Variants in ELMO1 observed in about 807,000 individuals in gnomAD.
The protein encoded by ELMO1 is engulfment and cell motility protein 1.
A neutral mutation model predicts 98.9 loss-of-function variants in ELMO1; 26 were observed. That is an observed-to-expected ratio of 0.26 (90% CI 0.19 to 0.36). The LOEUF (loss-of-function observed/expected upper bound fraction) is 0.36, where lower values mean the gene tolerates loss of function less well. Among genes scored for constraint, ELMO1 ranks in the 10% least tolerant of loss-of-function variants. The pLI, the probability that ELMO1 is intolerant of heterozygous loss-of-function variation, is 1.00. For missense variants in ELMO1, 627 were observed against 935.2 expected (o/e 0.67, Z 4.30); for synonymous variants, 346 against 346.0 (o/e 1.00, Z 0.00).
At chr7:37,188,485 G>GT (rs1791363433) in intron 13 of ELMO1, among the ~76,000 whole-genome samples, 1 of 45,824 alleles carries the variant, frequency 2.2e-5, no homozygotes. Flanking sequence ...ACTGGAGAAA[G>GT]GTAAAAAAAA....
At chr7:37,204,052 G>A (rs1792459628) in intron 13 of ELMO1, 6 of 454,306 alleles carry the variant, frequency 1.3e-5, no homozygotes, top group Admixed American at 4.7e-5. Flanking sequence ...TTTAGCCCCC[G>A]AATTCTAAGG....
chr7:37,111,155 G>A (rs115495939), intron 14 of ELMO1, among the ~76,000 whole-genome samples: 2,986 of 152,218 alleles, frequency 0.02, 92 homozygotes, highest in African/African-American at 0.055. Context: ...CCAGCTCTGC[G>A]TTCTCTGCAG....
In ELMO1 at chr7:37,050,657, C is replaced by CAA. The variant is rs1460367498; in HGVS notation, c.1301-37223_1301-37222insTT. ...ACACACACACACACACACACACACA[C>CAA]ACAAAAGGTAACTATGTGAAATAAG... is the stretch of plus-strand genomic sequence containing the variant. On this transcript the variant is annotated intron_variant, in intron 15 of 21. Coordinates refer to ENST00000310758, the MANE Select transcript of ELMO1 (RefSeq NM_014800.11). Among the ~76,000 whole-genome samples the CAA allele has an allele frequency of 3.6e-4, 52 of 145,008 alleles. 1 individual carries two copies. The highest frequency in any genetic ancestry group is 1.1e-3 in the African/African-American group (42 of 39,270).
intron 16 of ELMO1, among the ~76,000 whole-genome samples, chr7:36,986,701 C>T (rs1452403855): frequency 1.3e-5 from 2 of 152,134 alleles, no homozygotes; most frequent in Non-Finnish European, 2.9e-5. Flanking sequence ...TTTCTCCTAC[C>T]TTCTCTTCAC....
At chr7:37,067,910 T>C (rs1400021354) in intron 15 of ELMO1, among the ~76,000 whole-genome samples, 2 of 152,236 alleles carry the variant, frequency 1.3e-5, no homozygotes, top group Non-Finnish European at 2.9e-5. Flanking sequence ...CTAGGCGAGC[T>C]ATTCTCACTC....
intron 1 of ELMO1, among the ~76,000 whole-genome samples, chr7:37,391,542 T>A (rs539037828): frequency 6.6e-6 from 1 of 152,382 alleles, no homozygotes; most frequent in South Asian, 2.1e-4. Flanking sequence ...TCTATATATG[T>A]ACTTCCTCTC....
At chr7:37,008,038 A>G (rs1793267794) in intron 16 of ELMO1, among the ~76,000 whole-genome samples, 1 of 152,212 alleles carries the variant, frequency 6.6e-6, no homozygotes, top group African/African-American at 2.4e-5. Context: ...CTGCTAGATA[A>G]AGTTTCAAGA....
At chr7:37,149,181 C>T (rs1008042267) in intron 13 of ELMO1, among the ~76,000 whole-genome samples, 11 of 152,240 alleles carry the variant, frequency 7.2e-5, no homozygotes, top group Non-Finnish European at 1.2e-4. Flanking sequence ...CAGAACCTAG[C>T]ACCATCTGGC....
In ELMO1 at chr7:37,190,982, G is replaced by A. The variant is rs191550624; in HGVS notation, c.1086+20404C>T. Among the ~76,000 whole-genome samples the A allele has an allele frequency of 7.6e-3, 1,157 of 151,688 alleles. 9 individuals are homozygous for A. Among genetic ancestry groups the A allele is most frequent in the Non-Finnish European group, 0.012 (797 of 67,850 alleles). On this transcript the variant is annotated intron_variant, in intron 13 of 21. Transcript: ENST00000310758. Reference sequence around the variant, plus strand: ...GGCGGGTGGATCATGAGGTCAAGGAGATAGAGACCATCCCGGCTAACACGG... The same window carrying A: ...GGCGGGTGGATCATGAGGTCAAGGAAATAGAGACCATCCCGGCTAACACGG...
In ELMO1 at chr7:37,385,895, G is replaced by A. The variant is rs112556624; in HGVS notation, c.-73-43132C>T. Among the ~76,000 whole-genome samples, 458 of 152,328 alleles carry A rather than the reference G, an allele frequency of 3.0e-3. 1 individual carries two copies. The highest frequency in any genetic ancestry group is 0.01 in the African/African-American group (431 of 41,572). ...ACTACCAGTGCCAGGCCCAGCTTCC[G>A]GAGATGCCAATTCCCCAGGAAGTCC... On this transcript the variant is annotated intron_variant, in intron 1 of 21. Coordinates refer to ENST00000310758, the MANE Select transcript of ELMO1 (RefSeq NM_014800.11).
At chr7:36,936,880 G>T (rs1786578258) in intron 16 of ELMO1, among the ~76,000 whole-genome samples, 1 of 152,198 alleles carries the variant, frequency 6.6e-6, no homozygotes, top group South Asian at 2.1e-4. Flanking sequence ...GCTTAACACA[G>T]GATTAAGTAT....
At chr7:36,861,436 T>A (rs1040410821) in intron 21 of ELMO1, among the ~76,000 whole-genome samples, 47 of 152,056 alleles carry the variant, frequency 3.1e-4, no homozygotes, top group Non-Finnish European at 5.9e-5. Context: ...GCCTTTTACA[T>A]CCTTTTTCTT....
At chr7:37,367,707 T>C (rs1227886419) in intron 1 of ELMO1, among the ~76,000 whole-genome samples, 1 of 152,128 alleles carries the variant, frequency 6.6e-6, no homozygotes, top group African/African-American at 2.4e-5. Context: ...GCCACAGTTA[T>C]GGAATCAGAA....
intron 19 of ELMO1, among the ~76,000 whole-genome samples, chr7:36,874,326 C>G (rs1803772293): frequency 6.6e-6 from 1 of 152,212 alleles, no homozygotes; most frequent in African/African-American, 2.4e-5. Context: ...TCAGATCTTT[C>G]TCTACTATTT....
intron 16 of ELMO1, among the ~76,000 whole-genome samples, chr7:36,924,555 G>A (rs992799517): frequency 1.3e-5 from 2 of 152,210 alleles, no homozygotes; most frequent in African/African-American, 4.8e-5. Context: ...TGGAAACACT[G>A]AGTAAAAATG....
intron 13 of ELMO1, among the ~76,000 whole-genome samples, chr7:37,193,755 G>T (rs1489682942): frequency 6.6e-6 from 1 of 152,124 alleles, no homozygotes; most frequent in Non-Finnish European, 1.5e-5. Context: ...TCCCTGCGTG[G>T]CGGGCCATCC....
intron 13 of ELMO1, among the ~76,000 whole-genome samples, chr7:37,157,932 G>A (rs1417710502): frequency 6.6e-6 from 1 of 152,116 alleles, no homozygotes; most frequent in Non-Finnish European, 1.5e-5. Flanking sequence ...AACCAAAACA[G>A]CATGGTACTG....
intron 13 of ELMO1, among the ~76,000 whole-genome samples, chr7:37,192,990 TATATATATATATATATATAC>T (rs1461002846): frequency 1.5e-5 from 1 of 68,610 alleles, no homozygotes; most frequent in Admixed American, 2.1e-4. Context: ...TATATATATA[TATATATATATATATATATAC>T]ACACACACAC....
At chr7:37,364,772 G>C (rs373025281) in intron 1 of ELMO1, among the ~76,000 whole-genome samples, 1 of 152,076 alleles carries the variant, frequency 6.6e-6, no homozygotes, top group African/African-American at 2.4e-5. Flanking sequence ...TAAGGATATC[G>C]GCTTTTCTAT....
Sources: allele counts gnomAD v4.1 joint callset (sites outside exome capture counted in the v4.1 genomes callset), GRCh38; gene constraint gnomAD v4.1.1; transcripts MANE v1.5; gene names NCBI Gene and HGNC (gene_info 2026-07-23, HGNC 2026-07-21).